Variants in RALGAPA1 observed in about 807,000 individuals in gnomAD.
The protein encoded by RALGAPA1 is Ral GTPase activating protein catalytic subunit alpha 1.
RALGAPA1 carries 52 observed loss-of-function variants against 269.6 expected under a neutral mutation model. That is an observed-to-expected ratio of 0.19 (90% CI 0.15 to 0.24). RALGAPA1 has a LOEUF of 0.24. Among genes scored for constraint, RALGAPA1 ranks in the 10% least tolerant of loss-of-function variants. The pLI is 1.00. For missense variants in RALGAPA1, 1,917 were observed against 3,013.9 expected, an observed-to-expected ratio of 0.64 and a Z score of 8.52; for synonymous variants, 817 against 1,008.3, an observed-to-expected ratio of 0.81 and a Z score of 3.60.
chr14:35,662,670 C>A (rs1052835566), intron 27 of RALGAPA1, among the ~76,000 whole-genome samples: 3 of 152,114 alleles, frequency 2.0e-5, no homozygotes, highest in South Asian at 2.1e-4. Context: ...GCGAGGCTAA[C>A]CCCTAACTCA....
intron 35 of RALGAPA1, among the ~76,000 whole-genome samples, chr14:35,608,450 G>T (rs1419656669): frequency 6.6e-6 from 1 of 152,092 alleles, no homozygotes; most frequent in Non-Finnish European, 1.5e-5. Flanking sequence ...AAATGACCAA[G>T]CAAACACCAA....
At chr14:35,743,330 C>A (rs2071748613) in intron 10 of RALGAPA1, among the ~76,000 whole-genome samples, 1 of 152,120 alleles carries the variant, frequency 6.6e-6, no homozygotes, top group Non-Finnish European at 1.5e-5. Flanking sequence ...AATTTGCACA[C>A]TGATATAGGA....
At chr14:35,604,543 A>C (rs2059474179) in intron 36 of RALGAPA1, among the ~76,000 whole-genome samples, 1 of 151,938 alleles carries the variant, frequency 6.6e-6, no homozygotes, top group Non-Finnish European at 1.5e-5. Flanking sequence ...TAAAAAAAAA[A>C]ATCACTGAGA....
chr14:35,796,188 T>C (rs1025048854), intron 1 of RALGAPA1, among the ~76,000 whole-genome samples: 3 of 152,010 alleles, frequency 2.0e-5, no homozygotes, highest in African/African-American at 7.2e-5. Context: ...GACACATAGA[T>C]GATATAAAAC....
intron 40 of RALGAPA1, 85 bp from the exon 41 acceptor site, chr14:35,548,623 T>C: frequency 1.1e-6 from 1 of 903,890 alleles, no homozygotes; most frequent in Non-Finnish European, 1.7e-6. Context: ...ATTTTCTTAC[T>C]GATTTCTTCA....
At chr14:35,744,455 A>G (rs2071862507) in intron 10 of RALGAPA1, among the ~76,000 whole-genome samples, 1 of 152,004 alleles carries the variant, frequency 6.6e-6, no homozygotes, top group South Asian at 2.1e-4. Flanking sequence ...AAAATCACAA[A>G]CCCTTTATCT....
chr14:35,742,286 T>C (rs2071632622), intron 11 of RALGAPA1, 82 bp downstream of exon 11: 1 of 1,001,110 alleles, frequency 1.0e-6, no homozygotes, highest in South Asian at 1.5e-5. Flanking sequence ...ATAAGTATAT[T>C]TGTGTTAACC....
intron 3 of RALGAPA1, among the ~76,000 whole-genome samples, chr14:35,774,177 C>T (rs1035905829): frequency 6.6e-6 from 1 of 152,056 alleles, no homozygotes; most frequent in African/African-American, 2.4e-5. Context: ...CCTCAGCCTC[C>T]GAAAGTGCAG....
intron 4 of RALGAPA1, chr14:35,765,845 T>G (rs1488560566): frequency 1.5e-6 from 1 of 678,168 alleles, no homozygotes; most frequent in African/African-American, 1.8e-5. Flanking sequence ...GGTAATGCTA[T>G]AGTAGTTCCG....
intron 35 of RALGAPA1, among the ~76,000 whole-genome samples, chr14:35,617,637 T>TGGGGGGGGGGGGG (rs1221537442): frequency 2.1e-4 from 1 of 4,874 alleles, no homozygotes; most frequent in African/African-American, 3.1e-4. Context: ...GTGTGTGGGG[T>TGGGGGGGGGGGGG]GGGGGGGGGG....
intron 4 of RALGAPA1, among the ~76,000 whole-genome samples, chr14:35,767,725 A>G (rs12884627): frequency 0.12 from 17,658 of 152,058 alleles, 1,121 homozygotes; most frequent in South Asian, 0.14. Context: ...TAGAAACAGA[A>G]GAGTAAATTA....
chr14:35,751,812 C>CAACAAA (rs1567156121), intron 8 of RALGAPA1, among the ~76,000 whole-genome samples: 2 of 140,954 alleles, frequency 1.4e-5, no homozygotes, highest in Non-Finnish European at 3.1e-5. Context: ...ACAACAACAA[C>CAACAAA]AAAAAAAAAC....
intron 39 of RALGAPA1, among the ~76,000 whole-genome samples, chr14:35,563,270 G>T (rs190503752): frequency 2.6e-5 from 4 of 151,734 alleles, no homozygotes; most frequent in African/African-American, 7.3e-5. Context: ...AGTAAAGGAG[G>T]TTTTTTTTCT....
chr14:35,540,802 C>T (rs2053896573), intron 41 of RALGAPA1, among the ~76,000 whole-genome samples: 1 of 152,098 alleles, frequency 6.6e-6, no homozygotes, highest in Non-Finnish European at 1.5e-5. Context: ...TTTAACTGTA[C>T]ACATACATGT....
intron 1 of RALGAPA1, among the ~76,000 whole-genome samples, chr14:35,808,499 A>C (rs185528083): frequency 3.2e-4 from 48 of 152,364 alleles, no homozygotes; most frequent in African/African-American, 1.1e-3. Context: ...AATTTTAAAA[A>C]ATAAGTTCAG....
intron 39 of RALGAPA1, among the ~76,000 whole-genome samples, chr14:35,565,802 C>T (rs1036301545): frequency 5.3e-5 from 8 of 152,170 alleles, no homozygotes; most frequent in African/African-American, 1.2e-4. Context: ...TCATATTTAA[C>T]ATTTGTATAT....
chr14:35,590,027 T>C (rs1235628095), intron 37 of RALGAPA1, among the ~76,000 whole-genome samples: 2 of 152,208 alleles, frequency 1.3e-5, no homozygotes, highest in African/African-American at 4.8e-5. Context: ...TATAACTGTG[T>C]CTACTTTGGG....
At chr14:35,752,834 G>A (rs546753649) in intron 7 of RALGAPA1, among the ~76,000 whole-genome samples, 2 of 152,108 alleles carry the variant, frequency 1.3e-5, no homozygotes, top group Non-Finnish European at 1.5e-5. Context: ...TATACACAAG[G>A]GGGACTGATT....
chr14:35,628,407 C>T (rs2061122385), intron 33 of RALGAPA1, among the ~76,000 whole-genome samples: 2 of 151,902 alleles, frequency 1.3e-5, no homozygotes. Context: ...TAAAATTAGC[C>T]CAGTGTGGTG....
Sources: gnomAD v4.1 joint callset for allele counts (sites outside exome capture counted in the v4.1 genomes callset) on GRCh38, gnomAD v4.1.1 for gene constraint, MANE v1.5 for transcripts, NCBI Gene and HGNC (gene_info 2026-07-23, HGNC 2026-07-21) for gene names.